IL1RAPL2: variants seen among roughly 807,000 people sequenced by gnomAD.
IL1RAPL2 encodes the protein X-linked interleukin-1 receptor accessory protein-like 2.
In IL1RAPL2, 3 loss-of-function variants were observed where a neutral mutation model predicts 44.1. The ratio of observed to expected loss-of-function variants is 0.07; its 90% CI spans 0.03 to 0.18. The LOEUF is 0.18. IL1RAPL2 is among the 10% of genes least tolerant of loss of function. The pLI is 1.00. For synonymous variants in IL1RAPL2, 181 were observed against 178.8 expected (o/e 1.01, Z -0.10); for missense variants, 391 against 496.4 (o/e 0.79, Z 2.02).
intron 1 of IL1RAPL2, among the ~76,000 whole-genome samples, chrX:104,623,517 CA>C (rs1158482997): frequency 9.0e-6 from 1 of 111,024 alleles, no homozygotes; most frequent in Admixed American, 9.6e-5. Flanking sequence ...ATTCACACCA[CA>C]GGAATAGGCA....
At chrX:105,014,291 T>C (rs934255766) in intron 2 of IL1RAPL2, among the ~76,000 whole-genome samples, 5 of 110,912 alleles carry the variant, frequency 4.5e-5, no homozygotes, top group African/African-American at 1.7e-4. Context: ...AAACTGTATA[T>C]GTTCCAAGCT....
At position 104,855,681 on chromosome X, in the gene IL1RAPL2, G is replaced by GTGTTTTTTTTTTTTTTTT; in HGVS notation, c.82+196687_82+196688insGTTTTTTTTTTTTTTTTT. Among the ~76,000 whole-genome samples the GTGTTTTTTTTTTTTTTTT allele has an allele frequency of 1.4e-3, 73 of 53,853 alleles. 20 individuals carry two copies. Among genetic ancestry groups the GTGTTTTTTTTTTTTTTTT allele is most frequent in the East Asian group, 4.1e-3 (7 of 1,703 alleles). 46.8% of individuals were successfully genotyped at this position (53,853 alleles called of 115,157 possible). A position where few individuals can be genotyped will look rare whatever the true frequency, so the allele number is the denominator to read the frequency against. On this transcript the variant is annotated intron_variant, in intron 2 of 10. Transcript: ENST00000372582. ...TTAACTGTGCTAAGGATCTGGATCC[G>GTGTTTTTTTTTTTTTTTT]TTTTTTTTTTTTTTTTTACTGTATC...
chrX:104,597,209 C>G (rs1216438759), intron 1 of IL1RAPL2, among the ~76,000 whole-genome samples: 1 of 109,264 alleles, frequency 9.2e-6, no homozygotes, highest in African/African-American at 3.3e-5. Context: ...CTGGATGTGG[C>G]AGTGTGCACC....
At chrX:105,539,232 A>G (rs890030512) in intron 6 of IL1RAPL2, among the ~76,000 whole-genome samples, 4 of 111,506 alleles carry the variant, frequency 3.6e-5, no homozygotes, top group African/African-American at 9.8e-5. Context: ...AAGCAATCCT[A>G]AACAAAAAGA....
rs750068049 is a variant in IL1RAPL2 at position 104,959,522 on chromosome X, T to A, written c.83-235953T>A. 6.2e-5 allele frequency among the ~76,000 whole-genome samples: 7 copies of A among 112,024 alleles called. No homozygotes were observed. In the South Asian group the frequency reaches 1.5e-3, roughly 24 times the overall value. The stretch of plus-strand genomic sequence containing the variant: ...GAAATGAAAGTTGGAACACTTTTTT[T>A]AAAAATAGACTTTTTTTCTAAGGGC... On this transcript the variant is annotated intron_variant, in intron 2 of 10. Coordinates refer to ENST00000372582, the MANE Select transcript of IL1RAPL2 (RefSeq NM_017416.2).
At chrX:104,769,828 A>G (rs1393576849) in intron 2 of IL1RAPL2, among the ~76,000 whole-genome samples, 1 of 111,751 alleles carries the variant, frequency 8.9e-6, no homozygotes, top group Non-Finnish European at 1.9e-5. Flanking sequence ...AAGCCTTCTT[A>G]AAGGGCTGTC....
At chrX:105,373,420 T>C (rs1317664622) in intron 5 of IL1RAPL2, among the ~76,000 whole-genome samples, 6 of 111,949 alleles carry the variant, frequency 5.4e-5, no homozygotes. Context: ...GATATTAGCC[T>C]TTTCTTTGAT....
At chrX:105,357,940 TGATAG>T (rs772397865) in intron 5 of IL1RAPL2, among the ~76,000 whole-genome samples, 65 of 105,121 alleles carry the variant, frequency 6.2e-4, no homozygotes, top group Non-Finnish European at 1.1e-3. Context: ...GAGGCTGAGT[TGATAG>T]GATTGCTTGA....
intron 1 of IL1RAPL2, among the ~76,000 whole-genome samples, chrX:104,654,711 A>G (rs1930220310): frequency 9.0e-6 from 1 of 111,388 alleles, no homozygotes; most frequent in Non-Finnish European, 1.9e-5. Context: ...TCCGTGAAGA[A>G]AGTCATTGGT....
chrX:105,253,678 C>T (rs936338994), intron 4 of IL1RAPL2, among the ~76,000 whole-genome samples: 2 of 110,970 alleles, frequency 1.8e-5, no homozygotes, highest in Non-Finnish European at 3.8e-5. Flanking sequence ...GCCCAGTATC[C>T]AATAGTTATC....
intron 2 of IL1RAPL2, among the ~76,000 whole-genome samples, chrX:105,131,285 G>A (rs760048094): frequency 7.3e-5 from 8 of 110,170 alleles, no homozygotes; most frequent in Non-Finnish European, 1.3e-4. Context: ...ATCGGGGTTA[G>A]CAAACTTTTT....
intron 2 of IL1RAPL2, among the ~76,000 whole-genome samples, chrX:104,944,668 G>A (rs772357934): frequency 3.6e-5 from 4 of 111,712 alleles, no homozygotes; most frequent in South Asian, 7.5e-4. Flanking sequence ...GGAAACGCTG[G>A]TTTAGGATTT....
chrX:105,648,890 C>G (rs181117996), intron 6 of IL1RAPL2, among the ~76,000 whole-genome samples: 3 of 111,268 alleles, frequency 2.7e-5, no homozygotes, highest in Non-Finnish European at 5.7e-5. Context: ...TCCCAAGTGT[C>G]AGTGTGGTCG....
chrX:105,547,010 G>A (rs369174354), intron 6 of IL1RAPL2, among the ~76,000 whole-genome samples: 27 of 111,378 alleles, frequency 2.4e-4, no homozygotes, highest in African/African-American at 7.2e-4. Flanking sequence ...CCAGTCCCTC[G>A]TGCACAATAA....
At chrX:105,633,096 A>T (rs907079084) in intron 6 of IL1RAPL2, among the ~76,000 whole-genome samples, 1 of 112,198 alleles carries the variant, frequency 8.9e-6, no homozygotes, top group African/African-American at 3.2e-5. Context: ...GCCAAGCATG[A>T]AGATAGATCA....
chrX:105,412,798 C>G (rs1418940531), intron 5 of IL1RAPL2, among the ~76,000 whole-genome samples: 4 of 111,341 alleles, frequency 3.6e-5, no homozygotes, highest in Non-Finnish European at 3.8e-5. Context: ...ATTTGTACTC[C>G]ATAAGTATGT....
intron 1 of IL1RAPL2, among the ~76,000 whole-genome samples, chrX:104,620,749 A>G (rs1041197395): frequency 2.0e-5 from 2 of 102,409 alleles, no homozygotes; most frequent in Non-Finnish European, 3.9e-5. Context: ...TCAGTTTAGT[A>G]CCCATACTTG....
chrX:105,564,207 T>C (rs1385482126), intron 6 of IL1RAPL2, among the ~76,000 whole-genome samples: 1 of 111,518 alleles, frequency 9.0e-6, no homozygotes, highest in Non-Finnish European at 1.9e-5. Context: ...AATACTATTA[T>C]ATTGAAGATT....
intron 6 of IL1RAPL2, among the ~76,000 whole-genome samples, chrX:105,633,055 C>T (rs1024258641): frequency 1.8e-5 from 2 of 112,015 alleles, no homozygotes; most frequent in African/African-American, 6.5e-5. Context: ...TCTCCCGCCT[C>T]TCAGAGAGAA....
Sources: allele counts gnomAD v4.1 joint callset (sites outside exome capture counted in the v4.1 genomes callset), GRCh38; gene constraint gnomAD v4.1.1; transcripts MANE v1.5; gene names NCBI Gene and HGNC (gene_info 2026-07-23, HGNC 2026-07-21).